GKAP1: variants seen among roughly 807,000 people sequenced by gnomAD.
GKAP1 encodes G kinase-anchoring protein 1.
GKAP1 carries 31 observed loss-of-function variants against 56.7 expected under a neutral mutation model. The ratio of observed to expected loss-of-function variants is 0.55; its 90% CI spans 0.41 to 0.74. The LOEUF (loss-of-function observed/expected upper bound fraction) is 0.74, where lower values mean the gene tolerates loss of function less well. GKAP1 is among the 30% of genes least tolerant of loss of function. The probability of loss-of-function intolerance (pLI) is 0.00; values close to 1 mark genes in which losing one functional copy is unlikely to be tolerated. For synonymous variants in GKAP1, 151 were observed against 138.6 expected (o/e 1.09, Z -0.63); for missense variants, 364 against 402.3 (o/e 0.90, Z 0.82).
rs1203938529 is a variant in GKAP1 at position 83,774,707 on chromosome 9, T to C, written c.585+5675A>G. 4.0e-4 allele frequency among the ~76,000 whole-genome samples: 52 copies of C among 129,912 alleles called. 5 individuals are homozygous for C. In the South Asian group the frequency reaches 0.014, roughly 36 times the overall value. The allele number at this position is 129,912 out of a possible 152,430, so 85.2% of individuals were successfully genotyped here. A position where few individuals can be genotyped will look rare whatever the true frequency, so the allele number is the denominator to read the frequency against. ...TATCAATAAACAGAAACCCCCTTTT[T>C]TTTTTTTTTTTTTTTTTTTTTGAGA... On this transcript the variant is annotated intron_variant, in intron 7 of 12. Transcript: ENST00000376371.
intron 4 of GKAP1, among the ~76,000 whole-genome samples, chr9:83,795,588 CTTTTTT>C (rs58291258): frequency 1.8e-5 from 2 of 109,052 alleles, no homozygotes; most frequent in Non-Finnish European, 3.5e-5. Context: ...CTGAGAGTGT[CTTTTTT>C]TTTTTTTTTT....
chr9:83,739,567 A>AG lies in GKAP1; in HGVS notation c.*129dup. The AG allele has an allele frequency of 1.8e-6, 1 of 553,232 alleles. No individual in the cohort carries two copies. Among genetic ancestry groups the AG allele is most frequent in the Admixed American group, 3.2e-5 (1 of 31,204 alleles). 34.3% of individuals were successfully genotyped at this position (553,232 alleles called of 1,614,324 possible). On this transcript the variant is annotated 3_prime_UTR_variant, in exon 13 of 13. Transcript: ENST00000376371. The stretch of plus-strand genomic sequence containing the variant: ...AAAAGAAATAAAATTATAGACCATT[A>AG]GGGAGCTAGTTGCTTTTAGTTCCTT...
Position 83,779,476 on chromosome 9 carries a change from T to C in GKAP1, c.585+906A>G, listed in dbSNP as rs370118236. ...ACACACACACACACGCACATATACA[T>C]ATACATACATATATACACATATACA... is the stretch of plus-strand genomic sequence containing the variant. On this transcript the variant is annotated intron_variant, in intron 7 of 12. Coordinates refer to ENST00000376371, the MANE Select transcript of GKAP1 (RefSeq NM_025211.4). Among the ~76,000 whole-genome samples the C allele has an allele frequency of 9.1e-3, 469 of 51,610 alleles. 10 individuals carry two copies. Among genetic ancestry groups the C allele is most frequent in the Non-Finnish European group, 0.02 (371 of 18,244 alleles). The allele number at this position is 51,610 out of a possible 152,430, so 33.9% of individuals were successfully genotyped here. A position where few individuals can be genotyped will look rare whatever the true frequency, so the allele number is the denominator to read the frequency against.
intron 9 of GKAP1, among the ~76,000 whole-genome samples, chr9:83,749,646 T>C (rs1239687664): frequency 2.0e-5 from 3 of 152,210 alleles, no homozygotes; most frequent in African/African-American, 7.2e-5. Flanking sequence ...ATTTTTTTCC[T>C]CTCAACATAT....
chr9:83,816,144 G>A (rs1310483173), intron 2 of GKAP1, among the ~76,000 whole-genome samples: 1 of 151,352 alleles, frequency 6.6e-6, no homozygotes, highest in Non-Finnish European at 1.5e-5. Context: ...AGCCGAGATC[G>A]CGCCATTACA....
chr9:83,744,345 A>G (rs1943255760), intron 10 of GKAP1, among the ~76,000 whole-genome samples: 1 of 152,152 alleles, frequency 6.6e-6, no homozygotes, highest in South Asian at 2.1e-4. Context: ...AACAGAGAAA[A>G]CCACACCCAC....
chr9:83,805,821 T>C (rs1564215334), intron 3 of GKAP1, among the ~76,000 whole-genome samples: 1 of 152,198 alleles, frequency 6.6e-6, no homozygotes, highest in Non-Finnish European at 1.5e-5. Context: ...AAAAACGTAC[T>C]TTAAAAATGT....
intron 9 of GKAP1, among the ~76,000 whole-genome samples, chr9:83,750,426 A>G (rs563542397): frequency 6.6e-6 from 1 of 152,090 alleles, no homozygotes; most frequent in Non-Finnish European, 1.5e-5. Flanking sequence ...CCATTCCCCA[A>G]ATCAGTCAAA....
At chr9:83,795,405 T>C (rs939762234) in intron 4 of GKAP1, among the ~76,000 whole-genome samples, 24 of 152,228 alleles carry the variant, frequency 1.6e-4, no homozygotes, top group African/African-American at 4.3e-4. Flanking sequence ...TAGATACAAG[T>C]TAGCTGCTAC....
At chr9:83,801,851 T>C (rs904269443) in intron 3 of GKAP1, among the ~76,000 whole-genome samples, 2 of 152,212 alleles carry the variant, frequency 1.3e-5, no homozygotes, top group African/African-American at 4.8e-5. Context: ...TATCATCCAG[T>C]GAGGAAAGTA....
intron 8 of GKAP1, among the ~76,000 whole-genome samples, chr9:83,762,200 A>G (rs1013358975): frequency 6.6e-6 from 1 of 152,212 alleles, no homozygotes; most frequent in African/African-American, 2.4e-5. Flanking sequence ...TAAATTCAGT[A>G]AAGTTGCAGG....
At chr9:83,760,701 A>G (rs918224358) in intron 8 of GKAP1, among the ~76,000 whole-genome samples, 3 of 152,168 alleles carry the variant, frequency 2.0e-5, no homozygotes, top group Non-Finnish European at 4.4e-5. Flanking sequence ...GCTACAAATC[A>G]AGGACAAAAG....
Position 83,739,560 on chromosome 9 carries a change from G to T in GKAP1, c.*137C>A. Reference sequence around the variant, plus strand: ...TTAAGCCAAAAGAAATAAAATTATAGACCATTAGGGAGCTAGTTGCTTTTA... The same window carrying T: ...TTAAGCCAAAAGAAATAAAATTATATACCATTAGGGAGCTAGTTGCTTTTA... On this transcript the variant is annotated 3_prime_UTR_variant, in exon 13 of 13. Coordinates refer to ENST00000376371, the MANE Select transcript of GKAP1 (RefSeq NM_025211.4). 2.0e-6 allele frequency: 1 copy of T among 489,070 alleles called. No homozygotes were observed. The allele number at this position is 489,070 out of a possible 1,614,324, so 30.3% of individuals were successfully genotyped here.
At chr9:83,806,680 T>G in intron 2 of GKAP1, 120 bp from the exon 3 acceptor site, 1 of 600,754 alleles carries the variant, frequency 1.7e-6, no homozygotes, top group Non-Finnish European at 2.9e-6. Flanking sequence ...TTAGTAAATT[T>G]GGATTAATAC....
chr9:83,810,692 G>C (rs943348655), intron 2 of GKAP1, among the ~76,000 whole-genome samples: 1 of 152,152 alleles, frequency 6.6e-6, no homozygotes, highest in African/African-American at 2.4e-5. Flanking sequence ...GTAAGTACTT[G>C]AGCAACCTAC....
At chr9:83,774,123 G>A (rs555332768) in intron 7 of GKAP1, among the ~76,000 whole-genome samples, 7 of 151,660 alleles carry the variant, frequency 4.6e-5, no homozygotes, top group Non-Finnish European at 1.0e-4. Context: ...CACCCGCCTC[G>A]GCCTCCCAAA....
At chr9:83,741,467 A>T (rs1451088679) in intron 12 of GKAP1, among the ~76,000 whole-genome samples, 1 of 152,120 alleles carries the variant, frequency 6.6e-6, no homozygotes, top group Non-Finnish European at 1.5e-5. Context: ...AGAAGAAATG[A>T]TAGAGTTAGA....
At chr9:83,812,066 T>A (rs1944512685) in intron 2 of GKAP1, among the ~76,000 whole-genome samples, 1 of 151,854 alleles carries the variant, frequency 6.6e-6, no homozygotes, top group Non-Finnish European at 1.5e-5. Context: ...TGTAAATATG[T>A]CTATTATTCA....
intron 8 of GKAP1, among the ~76,000 whole-genome samples, chr9:83,756,117 T>TA (rs1943470855): frequency 6.6e-6 from 1 of 151,970 alleles, no homozygotes; most frequent in South Asian, 2.1e-4. Context: ...ACTGGTACAT[T>TA]AAAAAAATTT....
Sources: allele counts gnomAD v4.1 joint callset (sites outside exome capture counted in the v4.1 genomes callset), GRCh38; gene constraint gnomAD v4.1.1; transcripts MANE v1.5; gene names NCBI Gene and HGNC (gene_info 2026-07-23, HGNC 2026-07-21).